The following MBD5 variants were observed in gnomAD, a reference collection of about 807,000 sequenced individuals.
The protein encoded by MBD5 is methyl-CpG binding domain protein 5, also known as methyl-CpG-binding domain protein 5.
Under a neutral mutation model 117.3 loss-of-function variants are expected in MBD5, and 13 were observed. The ratio of observed to expected loss-of-function variants is 0.11; its 90% CI spans 0.07 to 0.18. MBD5 has a LOEUF of 0.18. Among genes scored for constraint, MBD5 ranks in the 10% least tolerant of loss-of-function variants. The pLI is 1.00. For missense variants in MBD5, 1,879 were observed against 2,093.8 expected, an observed-to-expected ratio of 0.90 and a Z score of 2.00; for synonymous variants, 727 against 766.4, an observed-to-expected ratio of 0.95 and a Z score of 0.85.
Position 148,469,832 on chromosome 2 carries a change from T to G in MBD5, c.1889T>G (p.Met630Arg), listed in dbSNP as rs1239597040. The G allele has an allele frequency of 1.2e-6, 2 of 1,613,950 alleles. No individual in the cohort carries two copies. Among genetic ancestry groups the G allele is most frequent in the South Asian group, 2.2e-5 (2 of 91,068 alleles). The change falls in exon 8 of 14, where the codon ATG (methionine) becomes AGG (arginine). Residue 630 changes from methionine to arginine, a missense_variant. Around this residue, in one of 4 missense-constraint regions of MBD5, gnomAD observed 1,666 missense variants for 1,792.2 expected, o/e 0.93. Coordinates refer to ENST00000642680, the MANE Select transcript of MBD5 (RefSeq NM_001378120.1). ...ACCATGTTCCCTCCTACTGCCAACA[T>G]GCTTCTCCCAACAGGTGAAGGGCAA... ...LNTMFPPTAN[M>R]LLPTGEGQSG...
chr2:148,462,782 C>T, intron 6 of MBD5, 98 bp downstream of exon 6: 2 of 773,984 alleles, frequency 2.6e-6, no homozygotes, highest in South Asian at 3.0e-5. Context: ...ATTACTTCTC[C>T]AATCATACAT....
intron 4 of MBD5, among the ~76,000 whole-genome samples, chr2:148,375,991 T>C (rs1397403088): frequency 1.3e-5 from 2 of 151,456 alleles, no homozygotes; most frequent in African/African-American, 4.9e-5. Flanking sequence ...TAATTCTTTG[T>C]TATTGGGGCT....
At position 148,485,840 on chromosome 2, in the gene MBD5, C is replaced by G; in HGVS notation, c.3643C>G (p.Gln1215Glu). Residue 1215 changes from glutamine to glutamate, a missense_variant, in exon 10 of 14, where the codon CAG becomes GAG. Transcript: ENST00000642680. ...NNQMFPPNQQ[Q>E]QQLLQGYQNL... ...TCAGATGTTTCCTCCAAATCAGCAA[C>G]AGCAGCAACTTCTCCAGGGGTACCA... The G allele has an allele frequency of 6.2e-7, 1 of 1,614,110 alleles. No individual in the cohort carries two copies. Among genetic ancestry groups the G allele is most frequent in the Non-Finnish European group, 8.5e-7 (1 of 1,179,970 alleles).
intron 1 of MBD5, chr2:148,027,281 C>T (rs1033388510): frequency 2.0e-5 from 3 of 151,952 alleles, no homozygotes; most frequent in African/African-American, 7.3e-5. Context: ...GAATGATCAA[C>T]TTGTTGGGTT....
At chr2:148,325,575 T>C (rs1033229801) in intron 3 of MBD5, among the ~76,000 whole-genome samples, 2 of 152,194 alleles carry the variant, frequency 1.3e-5, no homozygotes, top group Admixed American at 6.5e-5. Flanking sequence ...AGAGTGTATG[T>C]GTCGAGGAAT....
In MBD5 at chr2:148,466,618, C is replaced by G. The variant is rs6755778; in HGVS notation, c.398-1723C>G. Among the ~76,000 whole-genome samples, 5 of 152,192 alleles carry G rather than the reference C, an allele frequency of 3.3e-5. No individual in the cohort carries two copies. The East Asian group carries it at 9.6e-4, about 29-fold the overall frequency. On this transcript the variant is annotated intron_variant, in intron 7 of 13. Coordinates refer to ENST00000642680, the MANE Select transcript of MBD5 (RefSeq NM_001378120.1). ...CCAAGCACAGTGCCCAAAATATTAA[C>G]GTTTTTCATTTTGTTCCTTTAATTA...
intron 4 of MBD5, among the ~76,000 whole-genome samples, chr2:148,431,916 G>A (rs576461777): frequency 1.3e-5 from 2 of 152,200 alleles, no homozygotes; most frequent in East Asian, 3.9e-4. Context: ...GGAATTGCTG[G>A]GTGGAATGGT....
chr2:148,458,998 T>A, intron 5 of MBD5, 127 bp downstream of exon 5: 2 of 783,682 alleles, frequency 2.6e-6, no homozygotes, highest in Non-Finnish European at 4.5e-6. Flanking sequence ...TAGAAACATA[T>A]GAGAATTTTT....
intron 4 of MBD5, among the ~76,000 whole-genome samples, chr2:148,374,899 T>C (rs1470228974): frequency 6.6e-6 from 1 of 152,212 alleles, no homozygotes; most frequent in African/African-American, 2.4e-5. Flanking sequence ...TGTATGCTTT[T>C]TTCTTAATAT....
chr2:148,462,488 C>T (rs1268925782), intron 5 of MBD5, 94 bp from the exon 6 acceptor site: 2 of 812,456 alleles, frequency 2.5e-6, no homozygotes, highest in Non-Finnish European at 4.2e-6. Context: ...GAAAATATCC[C>T]ATAAAGGACA....
At chr2:148,446,052 G>A (rs575623996) in intron 4 of MBD5, among the ~76,000 whole-genome samples, 56 of 150,722 alleles carry the variant, frequency 3.7e-4, no homozygotes, top group South Asian at 1.2e-3. Flanking sequence ...AGATGAGTAG[G>A]TTGCAAAAAT....
At chr2:148,023,467 T>C (rs934817209) in intron 1 of MBD5, among the ~76,000 whole-genome samples, 1 of 152,174 alleles carries the variant, frequency 6.6e-6, no homozygotes, top group Admixed American at 6.5e-5. Flanking sequence ...TTCCCTTCTG[T>C]TATAAATTTG....
intron 2 of MBD5, among the ~76,000 whole-genome samples, chr2:148,188,780 C>A (rs553799122): frequency 6.6e-6 from 1 of 152,030 alleles, no homozygotes; most frequent in Admixed American, 6.6e-5. Flanking sequence ...GGAACAGCTC[C>A]GGTCTACAGC....
At chr2:148,270,580 G>T (rs1700962086) in intron 3 of MBD5, among the ~76,000 whole-genome samples, 1 of 151,818 alleles carries the variant, frequency 6.6e-6, no homozygotes, top group Non-Finnish European at 1.5e-5. Flanking sequence ...GTAGAGATGG[G>T]GTTTCACCAT....
chr2:148,131,936 A>G (rs2105473560), intron 1 of MBD5, among the ~76,000 whole-genome samples: 1 of 152,176 alleles, frequency 6.6e-6, no homozygotes, highest in East Asian at 1.9e-4. Context: ...GCTTTTTTGA[A>G]TGCTATTCAC....
chr2:148,323,693 G>C (rs986977602), intron 3 of MBD5, among the ~76,000 whole-genome samples: 3 of 152,098 alleles, frequency 2.0e-5, no homozygotes, highest in Admixed American at 6.6e-5. Flanking sequence ...TGATGGGGTT[G>C]TTTGTTTTTT....
At chr2:148,441,884 T>G (rs1397449072) in intron 4 of MBD5, among the ~76,000 whole-genome samples, 1 of 152,170 alleles carries the variant, frequency 6.6e-6, no homozygotes, top group Non-Finnish European at 1.5e-5. Flanking sequence ...TCATGTGTCT[T>G]TTGGCTGCAT....
intron 1 of MBD5, among the ~76,000 whole-genome samples, chr2:148,050,802 TG>T (rs1694678630): frequency 6.6e-6 from 1 of 152,188 alleles, no homozygotes; most frequent in African/African-American, 2.4e-5. Context: ...TTTTGATTAC[TG>T]TAGCTTTGTG....
Position 148,350,202 on chromosome 2 carries a change from C to T in MBD5, c.-557+7866C>T, listed in dbSNP as rs558577064. Among the ~76,000 whole-genome samples the T allele has an allele frequency of 1.2e-4, 18 of 152,042 alleles. No homozygotes were observed. The South Asian group carries it at 3.7e-3, about 31-fold the overall frequency. On this transcript the variant is annotated intron_variant, in intron 4 of 13. Coordinates refer to ENST00000642680, the MANE Select transcript of MBD5 (RefSeq NM_001378120.1). Reference sequence around the variant, plus strand: ...CATTATTCACTATCCCCCAGAAAAGCCTCAAGCTAAAATTGTGATTGCTAT... The same window carrying T: ...CATTATTCACTATCCCCCAGAAAAGTCTCAAGCTAAAATTGTGATTGCTAT...
Sources: allele counts gnomAD v4.1 joint callset (sites outside exome capture counted in the v4.1 genomes callset), GRCh38; gene constraint gnomAD v4.1.1; regional missense constraint gnomAD v4.1.1; transcripts MANE v1.5; gene names NCBI Gene and HGNC (gene_info 2026-07-23, HGNC 2026-07-21).